The following NDUFAF6 variants were observed in gnomAD, a reference collection of about 807,000 sequenced individuals.
NDUFAF6 encodes the protein NADH:ubiquinone oxidoreductase complex assembly factor 6, also known as NADH dehydrogenase (ubiquinone) complex I, assembly factor 6.
Under a neutral mutation model 40.8 loss-of-function variants are expected in NDUFAF6, and 45 were observed. The observed-to-expected ratio is 1.10, with a 90% confidence interval of 0.87 to 1.42. The LOEUF is 1.42. NDUFAF6 is among the 40% of genes most tolerant of loss of function. The probability of loss-of-function intolerance (pLI) is 0.00; values close to 1 mark genes in which losing one functional copy is unlikely to be tolerated. For missense variants in NDUFAF6, 435 were observed against 418.5 expected (o/e 1.04, Z -0.34); for synonymous variants, 185 against 155.9 (o/e 1.19, Z -1.39).
intron 9 of NDUFAF6, among the ~76,000 whole-genome samples, chr8:95,064,560 TGTGC>T (rs1371353112): frequency 1.3e-5 from 2 of 151,884 alleles, no homozygotes; most frequent in East Asian, 1.9e-4. Context: ...TGTGTGTGTG[TGTGC>T]GCGCGTGCGT....
At chr8:95,030,214 A>ATTAT (rs763490509) in intron 1 of NDUFAF6, among the ~76,000 whole-genome samples, 5,303 of 150,682 alleles carry the variant, frequency 0.035, 268 homozygotes, top group African/African-American at 0.11. Flanking sequence ...AATTGTTACT[A>ATTAT]TTATTTATTT....
At chr8:95,046,918 T>A in intron 5 of NDUFAF6, 76 bp from the exon 6 acceptor site, 1 of 1,591,356 alleles carries the variant, frequency 6.3e-7, no homozygotes, top group Non-Finnish European at 8.6e-7. Context: ...ATGTTTAGGT[T>A]ATTTCTCTAT....
At chr8:95,080,663 T>TAGTGATTTTTGGTAGTGTATTTTG (rs1563858468), downstream of NDUFAF6, among the ~76,000 whole-genome samples, 126 of 43,128 alleles carry the variant, frequency 2.9e-3, no homozygotes, top group East Asian at 4.7e-3. Context: ...AGTGTATTTT[T>TAGTGATTTTTGGTAGTGTATTTTG]GTAGTGTATT....
chr8:95,031,848 G>A lies in NDUFAF6; in HGVS notation c.198-147G>A, dbSNP rs11781001. The A allele has an allele frequency of 0.14, 102,760 of 710,802 alleles. 8,070 individuals carry two copies. The highest frequency in any genetic ancestry group is 0.22 in the Middle Eastern group (722 of 3,284). The allele number at this position is 710,802 out of a possible 1,614,324, so 44.0% of individuals were successfully genotyped here. A position where few individuals can be genotyped will look rare whatever the true frequency, so the allele number is the denominator to read the frequency against. ...ACTCCTGGCTTCAGGTGATCCGCCC[G>A]CCTTGGCCTCCCAAAGTGCTGGGAT... On this transcript the variant is annotated intron_variant, in intron 1 of 8. Transcript: ENST00000396124.
rs1831496921 is a variant in NDUFAF6 at position 95,052,075 on chromosome 8, G to C, written c.817-99G>C. Reference sequence around the variant, plus strand: ...ATGAGCTGTTTTCTTGCATTTGAGAGAGGCCCTATCAGTATTGTTAAACTG... The same window carrying C: ...ATGAGCTGTTTTCTTGCATTTGAGACAGGCCCTATCAGTATTGTTAAACTG... On this transcript the variant is annotated intron_variant, in intron 7 of 8. Transcript: ENST00000396124. The C allele has an allele frequency of 3.7e-6, 4 of 1,084,920 alleles. No individual in the cohort carries two copies. The East Asian group carries it at 9.4e-5, about 26-fold the overall frequency. 67.2% of individuals were successfully genotyped at this position (1,084,920 alleles called of 1,614,324 possible).
At chr8:94,905,766 TG>T (rs1294953425) in intron 1 of NDUFAF6, among the ~76,000 whole-genome samples, 3 of 152,204 alleles carry the variant, frequency 2.0e-5, no homozygotes, top group Non-Finnish European at 4.4e-5. Context: ...CTTCTCCTCT[TG>T]GGGTTGAATT....
At chr8:94,940,842 C>T in intron 1 of NDUFAF6, 1 of 1,612,734 alleles carries the variant, frequency 6.2e-7, no homozygotes, top group East Asian at 2.2e-5. Flanking sequence ...ATGAAGTCAA[C>T]AAGAATCCAT....
At chr8:95,026,696 C>T (rs1205405604) in intron 1 of NDUFAF6, among the ~76,000 whole-genome samples, 3 of 152,144 alleles carry the variant, frequency 2.0e-5, no homozygotes, top group Non-Finnish European at 4.4e-5. Context: ...CATAACTTTG[C>T]AGAGATAATC....
intron 1 of NDUFAF6, among the ~76,000 whole-genome samples, chr8:94,965,997 A>C (rs1177577515): frequency 2.0e-5 from 3 of 152,188 alleles, no homozygotes; most frequent in Admixed American, 1.3e-4. Flanking sequence ...CAGGATTGGA[A>C]ACTATAGCCA....
chr8:94,980,066 C>A (rs1165151495), intron 1 of NDUFAF6, among the ~76,000 whole-genome samples: 1 of 151,220 alleles, frequency 6.6e-6, no homozygotes, highest in Non-Finnish European at 1.5e-5. Context: ...CACTGCACTG[C>A]AGCCTGGTTT....
intron 8 of NDUFAF6, among the ~76,000 whole-genome samples, chr8:95,054,690 C>T (rs986574302): frequency 5.9e-5 from 9 of 152,200 alleles, no homozygotes; most frequent in Non-Finnish European, 1.3e-4. Context: ...CCGCCTTGGC[C>T]TCCCACAGTG....
intron 1 of NDUFAF6, among the ~76,000 whole-genome samples, chr8:94,899,237 A>G (rs1817857808): frequency 6.6e-6 from 1 of 152,194 alleles, no homozygotes; most frequent in African/African-American, 2.4e-5. Flanking sequence ...GCAGTTTTAA[A>G]AACAATTTTA....
chr8:95,058,199 A>C lies in NDUFAF6; in HGVS notation c.*262A>C. The C allele has an allele frequency of 7.0e-7, 1 of 1,420,482 alleles. No individual in the cohort carries two copies. The allele number at this position is 1,420,482 out of a possible 1,614,324, so 88.0% of individuals were successfully genotyped here. A position where few individuals can be genotyped will look rare whatever the true frequency, so the allele number is the denominator to read the frequency against. On this transcript the variant is annotated 3_prime_UTR_variant, in exon 9 of 9. Transcript: ENST00000396124. ...CTGGAAGCTGGAGCTCCAACAGGGA[A>C]TATTGGTGTAGCTGTGCATAGGCCA...
At position 95,069,588 on chromosome 8, in the gene NDUFAF6, T is replaced by C. The variant is rs771080387; in HGVS notation, c.*512-6045T>C. ...TGAGGTCAGGAGTTCAAGACCAGCC[T>C]GGTCAACATGGTGAAACCCCATCTC... On this transcript the variant is annotated intron_variant and NMD_transcript_variant, in intron 9 of 9. Coordinates refer to the NDUFAF6 transcript ENST00000520757. 6.1e-4 allele frequency among the ~76,000 whole-genome samples: 92 copies of C among 151,272 alleles called. 1 individual carries two copies. Among genetic ancestry groups the C allele is most frequent in the Non-Finnish European group, 1.3e-3 (88 of 67,964 alleles).
intron 1 of NDUFAF6, among the ~76,000 whole-genome samples, chr8:94,905,369 A>G (rs921082935): frequency 2.6e-5 from 4 of 151,338 alleles, no homozygotes; most frequent in Non-Finnish European, 5.9e-5. Context: ...TTTCTGAGGC[A>G]ACAGTTAGCA....
At chr8:94,939,061 A>G (rs775858888) in intron 1 of NDUFAF6, among the ~76,000 whole-genome samples, 4 of 152,154 alleles carry the variant, frequency 2.6e-5, no homozygotes, top group Non-Finnish European at 5.9e-5. Flanking sequence ...TGTGGAAAAA[A>G]CCCACACATC....
chr8:94,990,337 C>T (rs141260735), intron 2 of NDUFAF6, among the ~76,000 whole-genome samples: 20 of 152,280 alleles, frequency 1.3e-4, no homozygotes, highest in Non-Finnish European at 2.1e-4. Context: ...ATTCTCCATT[C>T]TCTATTTCTC....
At chr8:95,108,452 T>C (rs1293350107), downstream of NDUFAF6, among the ~76,000 whole-genome samples, 1 of 152,146 alleles carries the variant, frequency 6.6e-6, no homozygotes, top group Non-Finnish European at 1.5e-5. Flanking sequence ...ATAAGCCAGA[T>C]ACAAAAGGAC....
At chr8:95,088,330 T>C (rs991719288) in intron 2 of NDUFAF6, among the ~76,000 whole-genome samples, 1 of 152,238 alleles carries the variant, frequency 6.6e-6, no homozygotes, top group African/African-American at 2.4e-5. Context: ...TTGTCCACTC[T>C]GGATTCTTTC....
Sources: gnomAD v4.1 joint callset for allele counts (sites outside exome capture counted in the v4.1 genomes callset) on GRCh38, gnomAD v4.1.1 for gene constraint, MANE v1.5 for transcripts, NCBI Gene and HGNC (gene_info 2026-07-23, HGNC 2026-07-21) for gene names.